Variants in KLF12 observed in about 807,000 individuals in gnomAD.
KLF12 encodes Krueppel-like factor 12.
In KLF12, 9 loss-of-function variants were observed where a neutral mutation model predicts 37.8. The ratio of observed to expected loss-of-function variants is 0.24; its 90% CI spans 0.14 to 0.42. The LOEUF (loss-of-function observed/expected upper bound fraction) is 0.42. Ranked by LOEUF, KLF12 falls within the 10% of genes least tolerant of loss-of-function variation. The pLI is 1.00. For synonymous variants in KLF12, 208 were observed against 202.1 expected, an observed-to-expected ratio of 1.03 and a Z score of -0.25; for missense variants, 411 against 516.0, an observed-to-expected ratio of 0.80 and a Z score of 1.97.
At chr13:73,941,837 A>G (rs1328690015) in intron 3 of KLF12, among the ~76,000 whole-genome samples, 1 of 152,192 alleles carries the variant, frequency 6.6e-6, no homozygotes, top group Non-Finnish European at 1.5e-5. Context: ...AGGTACACAT[A>G]AACCCAAAGG....
At chr13:73,877,093 T>G (rs1886744433) in intron 3 of KLF12, among the ~76,000 whole-genome samples, 1 of 152,220 alleles carries the variant, frequency 6.6e-6, no homozygotes, top group Non-Finnish European at 1.5e-5. Flanking sequence ...TCAATTTCTT[T>G]GGGAAATTAT....
chr13:73,720,889 A>C (rs1381691979), intron 6 of KLF12, among the ~76,000 whole-genome samples: 3 of 152,334 alleles, frequency 2.0e-5, no homozygotes, highest in African/African-American at 4.8e-5. Flanking sequence ...GGAGTTAAAA[A>C]AAAATTAAAA....
the KLF12 span, among the ~76,000 whole-genome samples, chr13:74,178,310 T>C: frequency 5.5e-4 from 83 of 152,218 alleles, no homozygotes; most frequent in Non-Finnish European, 3.1e-4. Flanking sequence ...CAAAAATGAC[T>C]AGAAAACAAG....
intron 6 of KLF12, among the ~76,000 whole-genome samples, chr13:73,749,396 A>G (rs1392448552): frequency 6.6e-6 from 1 of 152,232 alleles, no homozygotes; most frequent in Non-Finnish European, 1.5e-5. Flanking sequence ...CAAAGGTGTG[A>G]CAATTAAAAC....
intron 3 of KLF12, among the ~76,000 whole-genome samples, chr13:73,876,888 G>A (rs1387481679): frequency 1.3e-5 from 2 of 151,944 alleles, no homozygotes; most frequent in African/African-American, 4.8e-5. Context: ...GGTGGCACAC[G>A]CCTGTAATCC....
chr13:74,038,577 C>T (rs1893318944), intron 1 of KLF12, among the ~76,000 whole-genome samples: 1 of 151,708 alleles, frequency 6.6e-6, no homozygotes, highest in South Asian at 2.1e-4. Context: ...CACATTAAAG[C>T]AAATGTATTT....
At chr13:73,947,628 G>C (rs56169794) in intron 2 of KLF12, among the ~76,000 whole-genome samples, 1,400 of 128,478 alleles carry the variant, frequency 0.011, 24 homozygotes, top group African/African-American at 0.039. Flanking sequence ...TCCAGCCTGA[G>C]CGACAGAGGG....
At chr13:74,048,405 T>C (rs549986642) in intron 1 of KLF12, among the ~76,000 whole-genome samples, 2 of 151,956 alleles carry the variant, frequency 1.3e-5, no homozygotes, top group Non-Finnish European at 2.9e-5. Flanking sequence ...GCTACATAAT[T>C]GCTGTTCTCT....
At chr13:74,183,236 A>G in the KLF12 span, among the ~76,000 whole-genome samples, 1 of 152,142 alleles carries the variant, frequency 6.6e-6, no homozygotes, top group Non-Finnish European at 1.5e-5. Flanking sequence ...GAAAGTTTGT[A>G]CTCTACAAGA....
chr13:74,179,522 G>C, the KLF12 span, among the ~76,000 whole-genome samples: 1 of 152,132 alleles, frequency 6.6e-6, no homozygotes, highest in Admixed American at 6.5e-5. Flanking sequence ...GTATAATTTT[G>C]CCTGGAGATG....
At chr13:74,163,089 C>T in the KLF12 span, among the ~76,000 whole-genome samples, 2 of 151,940 alleles carry the variant, frequency 1.3e-5, no homozygotes, top group South Asian at 4.2e-4. Context: ...AGAGAGAAAA[C>T]AAATGAAATA....
At chr13:73,874,844 AAT>A (rs1886629261) in intron 3 of KLF12, among the ~76,000 whole-genome samples, 1 of 152,074 alleles carries the variant, frequency 6.6e-6, no homozygotes, top group Non-Finnish European at 1.5e-5. Context: ...AAATCTCACT[AAT>A]ATGTTTTTTG....
chr13:74,239,121 A>G, the KLF12 span, among the ~76,000 whole-genome samples: 4 of 144,062 alleles, frequency 2.8e-5, no homozygotes, highest in Admixed American at 7.0e-5. Flanking sequence ...AATGCGTCCC[A>G]GAGATTCTGG....
chr13:73,922,542 T>C (rs1045358095), intron 3 of KLF12, among the ~76,000 whole-genome samples: 2 of 152,040 alleles, frequency 1.3e-5, no homozygotes, highest in African/African-American at 4.8e-5. Context: ...TTGTTGGGGG[T>C]GGGGAGGTAT....
the KLF12 span, among the ~76,000 whole-genome samples, chr13:74,140,111 A>G: frequency 6.6e-6 from 1 of 151,964 alleles, no homozygotes; most frequent in Non-Finnish European, 1.5e-5. Context: ...TTCTTCTTGT[A>G]AAAAAAATAC....
intron 2 of KLF12, among the ~76,000 whole-genome samples, chr13:73,947,093 G>C (rs1358993775): frequency 6.6e-6 from 1 of 152,138 alleles, no homozygotes; most frequent in Non-Finnish European, 1.5e-5. Flanking sequence ...ATTTGCTGTG[G>C]AATCAATAGC....
rs140576870 is a variant in KLF12 at position 74,131,428 on chromosome 13, A to G, written c.-32+2311T>C. 7.1e-3 allele frequency among the ~76,000 whole-genome samples: 1,083 copies of G among 152,312 alleles called. 14 individuals are homozygous for G. Among genetic ancestry groups the G allele is most frequent in the Non-Finnish European group, 6.0e-3 (406 of 68,032 alleles). Reference sequence around the variant, plus strand: ...TTGCAGACCTTCCCTTTCAGCACACACATAGGCTGCAGCTGTAGTAAACAA... The same window carrying G: ...TTGCAGACCTTCCCTTTCAGCACACGCATAGGCTGCAGCTGTAGTAAACAA... On this transcript the variant is annotated intron_variant, in intron 1 of 7. Coordinates refer to ENST00000377669, the MANE Select transcript of KLF12 (RefSeq NM_007249.5).
At chr13:74,221,220 A>G in the KLF12 span, among the ~76,000 whole-genome samples, 1 of 152,032 alleles carries the variant, frequency 6.6e-6, no homozygotes, top group African/African-American at 2.4e-5. Flanking sequence ...GTTAGCCAGG[A>G]TGGTCTCGAT....
intron 1 of KLF12, among the ~76,000 whole-genome samples, chr13:74,095,046 T>C (rs1875899055): frequency 6.6e-6 from 1 of 152,214 alleles, no homozygotes; most frequent in South Asian, 2.1e-4. Flanking sequence ...AGTTAATGTG[T>C]TTCAATTTTC....
Sources: gnomAD v4.1 joint callset for allele counts (sites outside exome capture counted in the v4.1 genomes callset) on GRCh38, gnomAD v4.1.1 for gene constraint, MANE v1.5 for transcripts, NCBI Gene and HGNC (gene_info 2026-07-23, HGNC 2026-07-21) for gene names.